The following ARB2A variants were observed in gnomAD, a reference collection of about 807,000 sequenced individuals.
ARB2A encodes ARB2 cotranscriptional regulator A.
At chr5:94,075,946 G>A in the ARB2A span, among the ~76,000 whole-genome samples, 1 of 152,006 alleles carries the variant, frequency 6.6e-6, no homozygotes, top group African/African-American at 2.4e-5. Flanking sequence ...TAACTTCTCT[G>A]GGCCTCATTT....
At chr5:93,798,859 G>A in the ARB2A span, among the ~76,000 whole-genome samples, 2 of 152,114 alleles carry the variant, frequency 1.3e-5, no homozygotes, top group Non-Finnish European at 2.9e-5. Flanking sequence ...TAATACTACA[G>A]GCTCCAAAGT....
the ARB2A span, among the ~76,000 whole-genome samples, chr5:93,986,462 C>T: frequency 2.0e-5 from 3 of 149,874 alleles, no homozygotes; most frequent in Non-Finnish European, 4.4e-5. Flanking sequence ...TCTGCCCGGC[C>T]GCCACGTCTG....
At chr5:93,948,155 C>G in the ARB2A span, among the ~76,000 whole-genome samples, 1 of 152,172 alleles carries the variant, frequency 6.6e-6, no homozygotes. Flanking sequence ...CCTATTTCTC[C>G]ACATCCTCTC....
the ARB2A span, among the ~76,000 whole-genome samples, chr5:93,642,549 T>G: frequency 4.6e-5 from 7 of 152,140 alleles, no homozygotes; most frequent in African/African-American, 1.7e-4. Context: ...TTTTTTGTAT[T>G]TTTTGTAGAG....
At chr5:93,824,496 AC>A in the ARB2A span, among the ~76,000 whole-genome samples, 1 of 152,190 alleles carries the variant, frequency 6.6e-6, no homozygotes, top group Non-Finnish European at 1.5e-5. Context: ...ATTAAAAAAA[AC>A]ACTTTATTTC....
At chr5:93,692,782 A>T in the ARB2A span, among the ~76,000 whole-genome samples, 1 of 152,214 alleles carries the variant, frequency 6.6e-6, no homozygotes, top group Admixed American at 6.5e-5. Flanking sequence ...CTTATTCTAA[A>T]ACTGACCATA....
At chr5:94,055,382 A>G in the ARB2A span, among the ~76,000 whole-genome samples, 1 of 152,192 alleles carries the variant, frequency 6.6e-6, no homozygotes, top group Non-Finnish European at 1.5e-5. Flanking sequence ...TTCTGTATAG[A>G]ACATCATCAA....
At chr5:93,627,876 T>C in the ARB2A span, among the ~76,000 whole-genome samples, 4 of 152,220 alleles carry the variant, frequency 2.6e-5, no homozygotes, top group South Asian at 8.3e-4. Flanking sequence ...AACTCTTGGG[T>C]AACCAAGTGT....
chr5:94,069,195 C>A, the ARB2A span, among the ~76,000 whole-genome samples: 4 of 152,162 alleles, frequency 2.6e-5, no homozygotes, highest in African/African-American at 4.8e-5. Context: ...GGGGAAAGAA[C>A]ACCCTCTTAA....
the ARB2A span, among the ~76,000 whole-genome samples, chr5:93,989,393 A>G: frequency 6.6e-6 from 1 of 152,266 alleles, no homozygotes; most frequent in Admixed American, 6.5e-5. Context: ...TACTATTTTT[A>G]TGCCTCCATT....
At chr5:93,803,613 T>C in the ARB2A span, among the ~76,000 whole-genome samples, 1 of 151,152 alleles carries the variant, frequency 6.6e-6, no homozygotes, top group African/African-American at 2.4e-5. Context: ...AAATGGGTAC[T>C]AGGCTTAAGA....
At chr5:93,734,013 C>G in the ARB2A span, 1 of 152,122 alleles carries the variant, frequency 6.6e-6, no homozygotes, top group Non-Finnish European at 1.5e-5. Context: ...CAAGGATATA[C>G]AGTATATCTC....
At chr5:93,817,373 G>C in the ARB2A span, among the ~76,000 whole-genome samples, 1 of 152,106 alleles carries the variant, frequency 6.6e-6, no homozygotes, top group Non-Finnish European at 1.5e-5. Context: ...CGGATTAGAA[G>C]ACTTAAGATT....
chr5:93,806,570 C>T, the ARB2A span, among the ~76,000 whole-genome samples: 2 of 151,782 alleles, frequency 1.3e-5, no homozygotes, highest in African/African-American at 2.4e-5. Context: ...TTTTACAGGA[C>T]ACCTTAAAAC....
At chr5:94,081,728 T>C in the ARB2A span, among the ~76,000 whole-genome samples, 2 of 152,142 alleles carry the variant, frequency 1.3e-5, no homozygotes, top group Non-Finnish European at 1.5e-5. Flanking sequence ...TTAATAGGTA[T>C]GTAGTTTCTT....
At chr5:94,059,613 T>C in the ARB2A span, among the ~76,000 whole-genome samples, 2 of 84,916 alleles carry the variant, frequency 2.4e-5, no homozygotes, top group Non-Finnish European at 4.6e-5. Context: ...AGAGTGAGAC[T>C]GTCTCAAAAA....
chr5:93,876,405 T>G, the ARB2A span, among the ~76,000 whole-genome samples: 12 of 152,132 alleles, frequency 7.9e-5, no homozygotes, highest in Non-Finnish European at 1.8e-4. Context: ...TAATATATGC[T>G]AGCAAGTACA....
At chr5:93,701,967 A>G in the ARB2A span, among the ~76,000 whole-genome samples, 1 of 152,160 alleles carries the variant, frequency 6.6e-6, no homozygotes, top group Non-Finnish European at 1.5e-5. Flanking sequence ...TTTCAATTCA[A>G]CTTCTCATTA....
At chr5:93,785,823 AT>A in the ARB2A span, among the ~76,000 whole-genome samples, 12 of 152,216 alleles carry the variant, frequency 7.9e-5, no homozygotes, top group South Asian at 2.5e-3. Flanking sequence ...TTTTAAAAGC[AT>A]AAAATAATAC....
Sources: gnomAD v4.1 joint callset for allele counts (sites outside exome capture counted in the v4.1 genomes callset) on GRCh38, gnomAD v4.1.1 for gene constraint, MANE v1.5 for transcripts, NCBI Gene and HGNC (gene_info 2026-07-23, HGNC 2026-07-21) for gene names.